The following MCC variants were observed in gnomAD, a reference collection of about 807,000 sequenced individuals.
MCC encodes colorectal mutant cancer protein.
A neutral mutation model predicts 116.2 loss-of-function variants in MCC; 90 were observed. The ratio of observed to expected loss-of-function variants is 0.77; its 90% CI spans 0.65 to 0.92. The LOEUF is 0.92. Ranked by LOEUF, MCC falls within the 40% of genes least tolerant of loss-of-function variation. The pLI is 0.00. For synonymous variants in MCC, 578 were observed against 510.5 expected, an observed-to-expected ratio of 1.13 and a Z score of -1.78; for missense variants, 1,516 against 1,312.2, an observed-to-expected ratio of 1.16 and a Z score of -2.40.
intron 2 of MCC, among the ~76,000 whole-genome samples, chr5:113,383,728 T>C (rs1281150946): frequency 6.6e-6 from 1 of 152,174 alleles, no homozygotes; most frequent in Non-Finnish European, 1.5e-5. Context: ...CTACATATTA[T>C]GTTAAGAGCA....
chr5:113,068,278 G>A (rs1753766585), intron 12 of MCC, 95 bp from the exon 13 acceptor site: 2 of 880,754 alleles, frequency 2.3e-6, no homozygotes, highest in South Asian at 1.4e-5. Flanking sequence ...CTCAGGTGCT[G>A]TCTCGGCCTC....
chr5:113,175,824 A>T (rs2150306127), intron 3 of MCC, among the ~76,000 whole-genome samples: 1 of 152,222 alleles, frequency 6.6e-6, no homozygotes, highest in East Asian at 1.9e-4. Context: ...ATTTTTCAAC[A>T]TGTGGGTCAT....
intron 1 of MCC, among the ~76,000 whole-genome samples, chr5:113,391,513 G>A (rs867034950): frequency 1.3e-5 from 2 of 152,070 alleles, no homozygotes; most frequent in African/African-American, 2.4e-5. Flanking sequence ...CCAGGAGTTC[G>A]AAACTAGCCC....
At chr5:113,203,841 G>A (rs1429055968) in intron 3 of MCC, among the ~76,000 whole-genome samples, 1 of 152,120 alleles carries the variant, frequency 6.6e-6, no homozygotes, top group Non-Finnish European at 1.5e-5. Flanking sequence ...AAGGCAACAT[G>A]GCATTTCATT....
intron 3 of MCC, among the ~76,000 whole-genome samples, chr5:113,250,447 C>T (rs1764753305): frequency 6.6e-6 from 1 of 152,176 alleles, no homozygotes; most frequent in African/African-American, 2.4e-5. Flanking sequence ...GGGTTAGAAC[C>T]TCTGTTTCTT....
chr5:113,043,478 A>G lies in MCC; in HGVS notation c.2756+52T>C, dbSNP rs150820970. 300 of 1,491,270 alleles carry G rather than the reference A, an allele frequency of 2.0e-4. No homozygotes were observed. The African/African-American group carries it at 3.7e-3, about 18-fold the overall frequency. The allele number at this position is 1,491,270 out of a possible 1,614,324, so 92.4% of individuals were successfully genotyped here. ...GGAGCAGCAAAGAGAACTCAGAACA[A>G]AGTCTCCATGCCCAGGATAAACACC... On this transcript the variant is annotated intron_variant, in intron 17 of 18. Transcript: ENST00000408903.
chr5:113,070,972 T>G, intron 12 of MCC, 122 bp downstream of exon 12: 1 of 1,072,278 alleles, frequency 9.3e-7, no homozygotes, highest in South Asian at 1.9e-5. Flanking sequence ...AACCGCCAGA[T>G]ATGCCTTGGT....
chr5:113,159,280 C>T (rs895913587), intron 3 of MCC, among the ~76,000 whole-genome samples: 1 of 152,188 alleles, frequency 6.6e-6, no homozygotes, highest in Non-Finnish European at 1.5e-5. Context: ...GCTTTGCATA[C>T]TTTATTTGTC....
chr5:113,280,633 G>C (rs566483319), intron 3 of MCC, among the ~76,000 whole-genome samples: 2 of 152,292 alleles, frequency 1.3e-5, no homozygotes, highest in East Asian at 3.9e-4. Context: ...AGATGAGTTG[G>C]TGTCACCAGA....
At chr5:113,185,587 G>A (rs1484415942) in intron 3 of MCC, among the ~76,000 whole-genome samples, 1 of 152,160 alleles carries the variant, frequency 6.6e-6, no homozygotes, top group Admixed American at 6.5e-5. Context: ...TGACAAAAAG[G>A]TAAGAAAGAG....
intron 3 of MCC, among the ~76,000 whole-genome samples, chr5:113,334,789 C>A (rs1767831653): frequency 1.3e-5 from 2 of 150,988 alleles, no homozygotes; most frequent in Non-Finnish European, 2.9e-5. Context: ...TGTGGTTTTA[C>A]CATGTTGGCC....
At chr5:113,291,817 A>G (rs1323380076) in intron 3 of MCC, among the ~76,000 whole-genome samples, 1 of 152,218 alleles carries the variant, frequency 6.6e-6, no homozygotes, top group African/African-American at 2.4e-5. Context: ...GAGGAATACA[A>G]ACGAATTGTA....
At chr5:113,045,498 A>G (rs1024947129) in intron 16 of MCC, among the ~76,000 whole-genome samples, 4 of 152,168 alleles carry the variant, frequency 2.6e-5, no homozygotes, top group Admixed American at 6.5e-5. Context: ...GTCAGCATCC[A>G]TACATAAAGT....
At chr5:113,486,585 T>C (rs1297311359) in intron 1 of MCC, among the ~76,000 whole-genome samples, 1 of 152,204 alleles carries the variant, frequency 6.6e-6, no homozygotes, top group Non-Finnish European at 1.5e-5. Context: ...GGCTCAGGCC[T>C]GTAATCTCAG....
intron 1 of MCC, among the ~76,000 whole-genome samples, chr5:113,397,304 G>A (rs187619621): frequency 1.1e-4 from 16 of 152,200 alleles, no homozygotes; most frequent in African/African-American, 3.1e-4. Flanking sequence ...CTGGCATGAC[G>A]TTGAGCCCAT....
At chr5:113,256,794 T>A (rs1765022126) in intron 3 of MCC, among the ~76,000 whole-genome samples, 1 of 151,976 alleles carries the variant, frequency 6.6e-6, no homozygotes, top group African/African-American at 2.4e-5. Flanking sequence ...CTGAGAAGAG[T>A]CACTGTGGCC....
intron 2 of MCC, among the ~76,000 whole-genome samples, chr5:113,371,784 T>C (rs1376252938): frequency 6.6e-6 from 1 of 152,224 alleles, no homozygotes; most frequent in Non-Finnish European, 1.5e-5. Flanking sequence ...TTTGCATTAG[T>C]CTTACAAGAG....
At position 113,434,912 on chromosome 5, in the gene MCC, A is replaced by C; in HGVS notation, c.171-49700T>G. 2 of 1,523,958 alleles carry C rather than the reference A, an allele frequency of 1.3e-6. No individual in the cohort carries two copies. The highest frequency in any genetic ancestry group is 1.4e-5 in the African/African-American group (1 of 72,226). 94.4% of individuals were successfully genotyped at this position (1,523,958 alleles called of 1,614,324 possible). ...AGGCGCATGGGCCAGCAGTGTGCTC[A>C]TTTACATCCTGGATAGAGAGTCCTT... On this transcript the variant is annotated intron_variant, in intron 1 of 18. Coordinates refer to ENST00000408903, the MANE Select transcript of MCC (RefSeq NM_001085377.2). This position sits in a 1 kb window ranked among gnomAD's most constrained non-coding sequence, Gnocchi z 4.2.
At chr5:113,184,696 C>T (rs1003999662) in intron 3 of MCC, among the ~76,000 whole-genome samples, 1 of 151,868 alleles carries the variant, frequency 6.6e-6, no homozygotes, top group African/African-American at 2.4e-5. Flanking sequence ...TTAAAAATAT[C>T]AAAAGAAGAG....
Sources: gnomAD v4.1 joint callset for allele counts (sites outside exome capture counted in the v4.1 genomes callset) on GRCh38, gnomAD v4.1.1 for gene constraint, Gnocchi (gnomAD v3.1) non-coding constraint, MANE v1.5 for transcripts, NCBI Gene and HGNC (gene_info 2026-07-23, HGNC 2026-07-21) for gene names.